Variants in NBAS observed in about 807,000 individuals in gnomAD.
NBAS encodes NBAS subunit of NRZ tethering complex.
In NBAS, 219 loss-of-function variants were observed where a neutral mutation model predicts 302.5. The observed-to-expected ratio is 0.72, with a 90% CI of 0.65 to 0.81. NBAS has a LOEUF of 0.81. Among genes scored for constraint, NBAS ranks in the 30% least tolerant of loss-of-function variants. The pLI is 0.00. For synonymous variants in NBAS, 1,118 were observed against 1,021.6 expected (o/e 1.09, Z -1.80); for missense variants, 2,932 against 2,841.6 (o/e 1.03, Z -0.72).
At chr2:15,325,280 A>C (rs904213646) in intron 38 of NBAS, among the ~76,000 whole-genome samples, 1 of 152,218 alleles carries the variant, frequency 6.6e-6, no homozygotes, top group African/African-American at 2.4e-5. Context: ...TTCTCAGTGC[A>C]TATCAAAGTT....
intron 29 of NBAS, among the ~76,000 whole-genome samples, chr2:15,382,606 G>A (rs1675094132): frequency 6.6e-6 from 1 of 152,146 alleles, no homozygotes; most frequent in South Asian, 2.1e-4. Context: ...ACGGTGGATG[G>A]AGGAAATGAT....
At chr2:15,336,017 G>C (rs984201123) in intron 35 of NBAS, among the ~76,000 whole-genome samples, 3 of 151,522 alleles carry the variant, frequency 2.0e-5, no homozygotes, top group Non-Finnish European at 4.4e-5. Context: ...AATTGCTTGA[G>C]CCCTGGAGGT....
At chr2:15,493,672 G>C in intron 11 of NBAS, among the ~76,000 whole-genome samples, 1 of 91,594 alleles carries the variant, frequency 1.1e-5, no homozygotes, top group Non-Finnish European at 2.4e-5. Context: ...GGCTCAAAAA[G>C]AAAAAAAAAA....
Position 15,178,869 on chromosome 2 carries a change from C to T in NBAS, c.6840+119G>A. The T allele has an allele frequency of 4.3e-6, 6 of 1,410,278 alleles. No homozygotes were observed. In the South Asian group the frequency reaches 7.4e-5, roughly 18 times the overall value. The allele number at this position is 1,410,278 out of a possible 1,614,324, so 87.4% of individuals were successfully genotyped here. On this transcript the variant is annotated intron_variant, in intron 51 of 51. Coordinates refer to ENST00000281513, the MANE Select transcript of NBAS (RefSeq NM_015909.4). The stretch of plus-strand genomic sequence containing the variant: ...GAACAGCTATTGTGGTCAGAGAATA[C>T]TATAGATATAGTAGTCTTCAATTAA...
the NBAS span, among the ~76,000 whole-genome samples, chr2:15,074,348 AGGAAGGAAGGAT>A: frequency 5.9e-4 from 87 of 146,474 alleles, no homozygotes; most frequent in Admixed American, 1.0e-3. Context: ...GAGGGAGGGA[AGGAAGGAAGGAT>A]GGAAGGAAGG....
At chr2:15,053,643 T>G in the NBAS span, among the ~76,000 whole-genome samples, 1 of 151,272 alleles carries the variant, frequency 6.6e-6, no homozygotes, top group Admixed American at 6.6e-5. Flanking sequence ...TAGTGTCCTT[T>G]CCCCTGCAGA....
At chr2:15,338,352 A>G (rs138136504) in intron 35 of NBAS, among the ~76,000 whole-genome samples, 10 of 152,326 alleles carry the variant, frequency 6.6e-5, no homozygotes, top group Admixed American at 5.9e-4. Flanking sequence ...TAAATAACCC[A>G]AAGTACTTCC....
At chr2:14,852,740 C>T in the NBAS span, among the ~76,000 whole-genome samples, 25 of 148,908 alleles carry the variant, frequency 1.7e-4, no homozygotes, top group African/African-American at 5.8e-4. Context: ...ATCAATGGAA[C>T]AAAACAGAGC....
At chr2:14,972,715 G>T in the NBAS span, among the ~76,000 whole-genome samples, 2 of 152,294 alleles carry the variant, frequency 1.3e-5, no homozygotes, top group South Asian at 4.1e-4. Flanking sequence ...GCCTCTCAAA[G>T]AAATCGTCTG....
the NBAS span, among the ~76,000 whole-genome samples, chr2:15,109,840 G>T: frequency 6.6e-6 from 1 of 151,962 alleles, no homozygotes; most frequent in East Asian, 1.9e-4. Flanking sequence ...TGTGGATGGG[G>T]ACACAAGCAT....
At chr2:14,976,562 G>A in the NBAS span, among the ~76,000 whole-genome samples, 1 of 152,184 alleles carries the variant, frequency 6.6e-6, no homozygotes, top group South Asian at 2.1e-4. Flanking sequence ...GTGTATTCTA[G>A]GCCCACCTGT....
intron 11 of NBAS, among the ~76,000 whole-genome samples, chr2:15,493,822 A>G (rs1407035908): frequency 7.0e-6 from 1 of 143,778 alleles, no homozygotes; most frequent in Non-Finnish European, 1.5e-5. Context: ...TGTAGCTGCA[A>G]TTTTCTCTTT....
At chr2:14,951,544 A>G in the NBAS span, among the ~76,000 whole-genome samples, 1 of 152,218 alleles carries the variant, frequency 6.6e-6, no homozygotes, top group Non-Finnish European at 1.5e-5. Context: ...TCAGCCAAGT[A>G]CAAGACCTTT....
chr2:15,050,507 G>A, the NBAS span, among the ~76,000 whole-genome samples: 1 of 152,144 alleles, frequency 6.6e-6, no homozygotes, highest in Non-Finnish European at 1.5e-5. Context: ...CAAAGTATTT[G>A]AATATGACAC....
chr2:15,034,027 G>GAAGAAGAAGA, the NBAS span, among the ~76,000 whole-genome samples: 7,216 of 63,488 alleles, frequency 0.11, 700 homozygotes, highest in East Asian at 0.19. Flanking sequence ...AGAAGAAGAA[G>GAAGAAGAAGA]AGGAGGAGGA....
chr2:15,270,801 A>G (rs1181698583), intron 44 of NBAS, among the ~76,000 whole-genome samples: 2 of 152,174 alleles, frequency 1.3e-5, no homozygotes, highest in Non-Finnish European at 1.5e-5. Flanking sequence ...CATGTCTTTC[A>G]TAGCTTAATG....
chr2:15,328,160 T>C, intron 37 of NBAS, 39 bp downstream of exon 37: 1 of 1,560,736 alleles, frequency 6.4e-7, no homozygotes, highest in Non-Finnish European at 8.8e-7. Context: ...TACAACAGCA[T>C]GACAGTTAAA....
chr2:15,409,317 C>T (rs952078922), intron 25 of NBAS, among the ~76,000 whole-genome samples: 2 of 152,128 alleles, frequency 1.3e-5, no homozygotes, highest in Non-Finnish European at 2.9e-5. Flanking sequence ...GAATGCACCT[C>T]GTATCTTTCA....
chr2:15,117,271 C>T, the NBAS span, among the ~76,000 whole-genome samples: 1 of 152,204 alleles, frequency 6.6e-6, no homozygotes, highest in East Asian at 1.9e-4. Flanking sequence ...CCAGGCTGAA[C>T]ACCCTGGCAG....
Sources: allele counts gnomAD v4.1 joint callset (sites outside exome capture counted in the v4.1 genomes callset), GRCh38; gene constraint gnomAD v4.1.1; transcripts MANE v1.5; gene names NCBI Gene and HGNC (gene_info 2026-07-23, HGNC 2026-07-21).